The following HIPK3 variants were observed in gnomAD, a reference collection of about 807,000 sequenced individuals.
HIPK3 encodes homeodomain-interacting protein kinase 3.
HIPK3 carries 47 observed loss-of-function variants against 124.2 expected under a neutral mutation model. The observed-to-expected ratio is 0.38, with a 90% CI of 0.30 to 0.48. The LOEUF is 0.48. Ranked by LOEUF, HIPK3 falls within the 20% of genes least tolerant of loss-of-function variation. The probability of loss-of-function intolerance (pLI) is 0.98; values close to 1 mark genes in which losing one functional copy is unlikely to be tolerated. For synonymous variants in HIPK3, 482 were observed against 515.2 expected (o/e 0.94, Z 0.87); for missense variants, 1,286 against 1,454.3 (o/e 0.88, Z 1.88).
intron 2 of HIPK3, among the ~76,000 whole-genome samples, chr11:33,319,857 G>A (rs1278714079): frequency 6.6e-6 from 1 of 152,218 alleles, no homozygotes; most frequent in Non-Finnish European, 1.5e-5. Context: ...ATCAGTTAAT[G>A]ACAAGTGCTA....
intron 8 of HIPK3, among the ~76,000 whole-genome samples, chr11:33,346,292 G>A (rs1853489652): frequency 6.6e-6 from 1 of 152,102 alleles, no homozygotes; most frequent in Admixed American, 6.5e-5. Context: ...TTCCTAGTGG[G>A]CAAGCAAAAT....
chr11:33,302,339 C>CTTTTTTTTTTTTTTTT lies in HIPK3; in HGVS notation c.1097+14830_1097+14831insTTTTTTTTTTTTTTTT, dbSNP rs374964013. 5.7e-4 allele frequency among the ~76,000 whole-genome samples: 69 copies of CTTTTTTTTTTTTTTTT among 121,170 alleles called. 11 individuals are homozygous for CTTTTTTTTTTTTTTTT. The highest frequency in any genetic ancestry group is 5.6e-3 in the Middle Eastern group (1 of 178). The allele number at this position is 121,170 out of a possible 152,430, so 79.5% of individuals were successfully genotyped here. ...TGAACTTCTCTATGATAATTCCTTA[C>CTTTTTTTTTTTTTTTT]TTCTTTTTTTTTTTTTTGAGAAGGA... On this transcript the variant is annotated intron_variant, in intron 2 of 16. Coordinates refer to ENST00000303296, the MANE Select transcript of HIPK3 (RefSeq NM_005734.5).
rs1201777115 is a variant in HIPK3, at chr11:33,286,606, A to C, written c.192A>C (p.Thr64=). 1 of 1,614,168 alleles carries C rather than the reference A, an allele frequency of 6.2e-7. No homozygotes were observed. The highest frequency in any genetic ancestry group is 2.2e-5 in the East Asian group (1 of 44,882). ...CCACTAAGGGTAGTGCTTTTCAGAC[A>C]AAGATACCATTTAATAGACCTCGAG... ...HPPTKGSAFQ[T]KIPFNRPRGH... is the part of the protein sequence containing the mutation. The change falls in exon 2 of 17, where the codon ACA becomes ACC. Residue 64 remains threonine (T), a synonymous_variant. Transcript: ENST00000303296.
chr11:33,286,711 A>G lies in HIPK3; in HGVS notation c.297A>G (p.Ala99=). The change falls in exon 2 of 17, where the codon GCA becomes GCG. Residue 99 remains alanine, a synonymous_variant. Coordinates refer to ENST00000303296, the MANE Select transcript of HIPK3 (RefSeq NM_005734.5). The stretch of plus-strand genomic sequence containing the variant: ...CTACAAAGGTCATAGCAGCTCAGGC[A>G]CAGCAAGCTCACGTGCAGGCACCTC... ...AGATKVIAAQ[A]QQAHVQAPQI... The G allele has an allele frequency of 6.2e-7, 1 of 1,614,130 alleles. No individual in the cohort carries two copies. Among genetic ancestry groups the G allele is most frequent in the East Asian group, 2.2e-5 (1 of 44,886 alleles).
intron 3 of HIPK3, among the ~76,000 whole-genome samples, chr11:33,330,796 T>C (rs2133971682): frequency 6.6e-6 from 1 of 152,270 alleles, no homozygotes; most frequent in Non-Finnish European, 1.5e-5. Context: ...TTTTTTTTTT[T>C]TCCCTATCAG....
chr11:33,267,579 T>A (rs1022897465), intron 1 of HIPK3, among the ~76,000 whole-genome samples: 4 of 151,892 alleles, frequency 2.6e-5, no homozygotes, highest in Non-Finnish European at 5.9e-5. Flanking sequence ...CACTGCAAGC[T>A]CTGCCTCCCA....
chr11:33,271,833 A>G (rs978413870), intron 1 of HIPK3, among the ~76,000 whole-genome samples: 1 of 152,230 alleles, frequency 6.6e-6, no homozygotes, highest in African/African-American at 2.4e-5. Flanking sequence ...TTATGAAGAA[A>G]ACTATTTTTA....
intron 1 of HIPK3, among the ~76,000 whole-genome samples, chr11:33,274,811 T>A (rs759124703): frequency 2.6e-5 from 4 of 152,244 alleles, no homozygotes; most frequent in Non-Finnish European, 4.4e-5. Context: ...CAGGTCATTT[T>A]CTGTTCCAAA....
chr11:33,298,575 C>T (rs1008617124), intron 2 of HIPK3, among the ~76,000 whole-genome samples: 1 of 152,138 alleles, frequency 6.6e-6, no homozygotes, highest in Admixed American at 6.5e-5. Flanking sequence ...TGAAAACCTT[C>T]TGGAAAGGAT....
chr11:33,289,990 A>C (rs933992098), intron 2 of HIPK3, among the ~76,000 whole-genome samples: 3 of 152,226 alleles, frequency 2.0e-5, no homozygotes, highest in African/African-American at 7.2e-5. Flanking sequence ...TGCAATTGAC[A>C]GGATCTCATT....
At chr11:33,302,840 G>A (rs918436606) in intron 2 of HIPK3, among the ~76,000 whole-genome samples, 1 of 152,142 alleles carries the variant, frequency 6.6e-6, no homozygotes, top group African/African-American at 2.4e-5. Context: ...ACATTAATGA[G>A]TTAAAGTATG....
chr11:33,298,848 T>G (rs973492153), intron 2 of HIPK3, among the ~76,000 whole-genome samples: 4 of 152,178 alleles, frequency 2.6e-5, no homozygotes, highest in African/African-American at 9.7e-5. Context: ...GACAAGTTGC[T>G]TCTTTTTGTT....
chr11:33,292,345 A>C (rs1413601568), intron 2 of HIPK3, among the ~76,000 whole-genome samples: 1 of 152,202 alleles, frequency 6.6e-6, no homozygotes, highest in Non-Finnish European at 1.5e-5. Flanking sequence ...ATGTATGTTC[A>C]TTAATTTATT....
chr11:33,258,437 G>A (rs944154784), intron 1 of HIPK3: 1 of 985,532 alleles, frequency 1.0e-6, no homozygotes, highest in African/African-American at 1.7e-5. Context: ...GGAGCAGCGG[G>A]TTTGCAGGGT....
At chr11:33,267,502 A>AT (rs549211224) in intron 1 of HIPK3, among the ~76,000 whole-genome samples, 1,925 of 135,132 alleles carry the variant, frequency 0.014, 20 homozygotes, top group Non-Finnish European at 0.021. Flanking sequence ...TATTATTATT[A>AT]TTTTTTTTTT....
At position 33,354,668 on chromosome 11, in the gene HIPK3, G is replaced by A. The variant is rs187860214; in HGVS notation, c.*1100G>A. 1 of 147,244 alleles carries A rather than the reference G, an allele frequency of 6.8e-6. No individual in the cohort carries two copies. The highest frequency in any genetic ancestry group is 6.8e-5 in the Admixed American group (1 of 14,756). 9.1% of individuals were successfully genotyped at this position (147,244 alleles called of 1,614,324 possible). On this transcript the variant is annotated 3_prime_UTR_variant, in exon 17 of 17. Transcript: ENST00000303296. ...AAGCTTGAAAAGATGTGAGTTCTTT[G>A]TGTGCAATTTTTGATTTATGCATGT...
At chr11:33,289,775 A>G (rs1393801848) in intron 2 of HIPK3, among the ~76,000 whole-genome samples, 1 of 152,144 alleles carries the variant, frequency 6.6e-6, no homozygotes, top group East Asian at 1.9e-4. Flanking sequence ...CTAACTATTT[A>G]GTTGGACCCC....
In HIPK3 at chr11:33,257,687, C is replaced by CA; in HGVS notation, c.-205_-204insA. ...GCCAGAGCAGCAGCAGCAGCAGCAG[C>CA]GGTCGGGGGAGGGTGTTTCGCCGTT... On this transcript the variant is annotated 5_prime_UTR_variant, in exon 1 of 17. It introduces an in-frame stop codon into an upstream open reading frame of the 5' UTR. Transcript: ENST00000303296. The CA allele has an allele frequency of 2.0e-6, 2 of 993,980 alleles. No individual in the cohort carries two copies. The highest frequency in any genetic ancestry group is 8.9e-5 in the South Asian group (2 of 22,438). 61.6% of individuals were successfully genotyped at this position (993,980 alleles called of 1,614,324 possible).
intron 7 of HIPK3, 47 bp from the exon 8 acceptor site, chr11:33,341,516 A>G (rs753696181): frequency 1.3e-6 from 2 of 1,515,478 alleles, no homozygotes; most frequent in East Asian, 2.3e-5. Context: ...TACAGCGTGT[A>G]TATTTCATTT....
Sources: allele counts gnomAD v4.1 joint callset (sites outside exome capture counted in the v4.1 genomes callset), GRCh38; gene constraint gnomAD v4.1.1; transcripts MANE v1.5; gene names NCBI Gene and HGNC (gene_info 2026-07-23, HGNC 2026-07-21).